Variants in MAD1L1 observed in about 807,000 individuals in gnomAD.
MAD1L1 encodes mitotic spindle assembly checkpoint protein MAD1.
MAD1L1 carries 95 observed loss-of-function variants against 96.9 expected under a neutral mutation model. The ratio of observed to expected loss-of-function variants is 0.98; its 90% CI spans 0.83 to 1.16. The LOEUF (loss-of-function observed/expected upper bound fraction) is 1.16. Ranked by LOEUF, MAD1L1 falls within the 50% of genes most tolerant of loss-of-function variation. The pLI is 0.00. For missense variants in MAD1L1, 1,007 were observed against 954.4 expected, an observed-to-expected ratio of 1.06 and a Z score of -0.73; for synonymous variants, 473 against 396.6, an observed-to-expected ratio of 1.19 and a Z score of -2.29.
At chr7:2,225,652 G>A (rs555446758) in intron 3 of MAD1L1, 102 bp from the exon 4 acceptor site, 21 of 1,290,824 alleles carry the variant, frequency 1.6e-5, no homozygotes, top group South Asian at 8.2e-5. Flanking sequence ...ACCCATTCCC[G>A]CAGGTCCCGT....
chr7:2,178,328 G>A (rs1424279214), intron 10 of MAD1L1, among the ~76,000 whole-genome samples: 1 of 152,140 alleles, frequency 6.6e-6, no homozygotes, highest in Non-Finnish European at 1.5e-5. Flanking sequence ...GATAGAATTG[G>A]ACAAACCGTA....
At chr7:2,231,457 T>A (rs1342994174) in intron 1 of MAD1L1, among the ~76,000 whole-genome samples, 1 of 151,126 alleles carries the variant, frequency 6.6e-6, no homozygotes, top group Admixed American at 6.6e-5. Flanking sequence ...CCATCTCTAC[T>A]AAAGCCAGAT....
At chr7:1,950,232 C>T (rs1269085390) in intron 16 of MAD1L1, among the ~76,000 whole-genome samples, 1 of 152,228 alleles carries the variant, frequency 6.6e-6, no homozygotes, top group Non-Finnish European at 1.5e-5. Context: ...AGCACCCTGA[C>T]CTCAGTCTCA....
intron 12 of MAD1L1, among the ~76,000 whole-genome samples, chr7:2,053,287 C>A (rs1784261991): frequency 6.6e-6 from 1 of 152,152 alleles, no homozygotes; most frequent in South Asian, 2.1e-4. Flanking sequence ...AGGCTGGGAC[C>A]AAGAGTCCTC....
rs764641431 is a variant in MAD1L1 at position 1,980,470 on chromosome 7, C to A, written c.1488G>T (p.Glu496Asp). The A allele has an allele frequency of 3.7e-6, 6 of 1,612,772 alleles. No individual in the cohort carries two copies. In the South Asian group the frequency reaches 6.6e-5, roughly 18 times the overall value. ...GGACGTACCTGAGCGTGTCCGCCTC[C>A]TCCCTGGAGAACAGGAAGCTCTGTT... is the stretch of plus-strand genomic sequence containing the variant. ...SAEQSFLFSR[E>D]EADTLRLKVE... The change falls in exon 15 of 19, where the codon GAG (glutamate) becomes GAT (aspartate). Residue 496 changes from glutamate to aspartate, a missense_variant. Physicochemically the swap from Glu to Asp is conservative, Grantham distance 45 (BLOSUM62 2). Transcript: ENST00000265854.
intron 16 of MAD1L1, among the ~76,000 whole-genome samples, chr7:1,951,061 G>T (rs142134735): frequency 1.3e-5 from 2 of 152,256 alleles, no homozygotes; most frequent in Non-Finnish European, 2.9e-5. Flanking sequence ...TCCCAGACAC[G>T]TGGGCTTCAC....
intron 12 of MAD1L1, among the ~76,000 whole-genome samples, chr7:2,040,259 T>C (rs1369016697): frequency 6.6e-6 from 1 of 152,080 alleles, no homozygotes; most frequent in South Asian, 2.1e-4. Context: ...AGACACTGGA[T>C]TAGTTTTGAA....
chr7:1,816,379 C>T lies in MAD1L1; in HGVS notation c.1999-151G>A, dbSNP rs2128617553. ...TAGATGCGTCCTCAACCCTGCCAGG[C>T]CTTATTCCAGGTCACCTAAAGGGAC... On this transcript the variant is annotated intron_variant, in intron 18 of 18. Coordinates refer to ENST00000265854, the MANE Select transcript of MAD1L1 (RefSeq NM_001013836.2). 7.2e-6 allele frequency: 5 copies of T among 695,416 alleles called. No homozygotes were observed. The South Asian group carries it at 9.3e-5, about 13-fold the overall frequency. The allele number at this position is 695,416 out of a possible 1,614,324, so 43.1% of individuals were successfully genotyped here.
chr7:1,839,172 A>G (rs1185989647), intron 18 of MAD1L1, among the ~76,000 whole-genome samples: 1 of 152,152 alleles, frequency 6.6e-6, no homozygotes, highest in Non-Finnish European at 1.5e-5. Context: ...GGTTGGGGGC[A>G]AAAGGGGCTG....
intron 10 of MAD1L1, among the ~76,000 whole-genome samples, chr7:2,179,521 T>G (rs1460608248): frequency 6.9e-6 from 1 of 145,634 alleles, no homozygotes; most frequent in Admixed American, 6.9e-5. Context: ...ACAGCGAGAC[T>G]CTGTCTCAAA....
intron 18 of MAD1L1, among the ~76,000 whole-genome samples, chr7:1,819,131 C>G (rs545318539): frequency 2.2e-4 from 33 of 152,292 alleles, no homozygotes; most frequent in South Asian, 4.1e-4. Flanking sequence ...AGCCCTCTGC[C>G]ATGTTCAAAT....
chr7:2,050,918 A>G lies in MAD1L1; in HGVS notation c.1218+18276T>C, dbSNP rs562860578. 2.6e-5 allele frequency among the ~76,000 whole-genome samples: 4 copies of G among 152,308 alleles called. No homozygotes were observed. In the South Asian group the frequency reaches 8.3e-4, roughly 32 times the overall value. ...GGATGCTGCAGCTATTTTTAGTAGA[A>G]AGACTCAAGAGGCTTCCTTGGCAGG... On this transcript the variant is annotated intron_variant, in intron 12 of 18. Transcript: ENST00000265854.
intron 11 of MAD1L1, among the ~76,000 whole-genome samples, chr7:2,140,753 C>A (rs1326272590): frequency 6.6e-6 from 1 of 152,250 alleles, no homozygotes; most frequent in African/African-American, 2.4e-5. Flanking sequence ...GAAAGGGCGG[C>A]TCCATGGCCC....
chr7:1,822,683 C>A lies in MAD1L1; in HGVS notation c.1999-6455G>T, dbSNP rs138700373. Among the ~76,000 whole-genome samples the A allele has an allele frequency of 8.6e-3, 1,299 of 151,784 alleles. 20 individuals carry two copies. Among genetic ancestry groups the A allele is most frequent in the African/African-American group, 0.028 (1,167 of 41,392 alleles). ...AAGCGATCCTTTTGCCTTGGCTTCC[C>A]CAAGTGTTGGGATTACAGGCGTGAG... is the stretch of plus-strand genomic sequence containing the variant. On this transcript the variant is annotated intron_variant, in intron 18 of 18. Coordinates refer to ENST00000265854, the MANE Select transcript of MAD1L1 (RefSeq NM_001013836.2).
chr7:2,016,907 C>G (rs1256381307), intron 12 of MAD1L1, among the ~76,000 whole-genome samples: 1 of 152,262 alleles, frequency 6.6e-6, no homozygotes, highest in Non-Finnish European at 1.5e-5. Flanking sequence ...TCGTTTCAAG[C>G]CAGTTACCGG....
At chr7:1,990,597 A>G (rs1438884798) in intron 14 of MAD1L1, among the ~76,000 whole-genome samples, 1 of 152,256 alleles carries the variant, frequency 6.6e-6, no homozygotes, top group African/African-American at 2.4e-5. Flanking sequence ...TCCCGGCCGA[A>G]TGTTCGCCTG....
intron 10 of MAD1L1, among the ~76,000 whole-genome samples, chr7:2,206,321 G>T (rs929184688): frequency 2.6e-5 from 4 of 152,148 alleles, no homozygotes; most frequent in African/African-American, 9.7e-5. Context: ...TTTGAGAGCA[G>T]AAGTTTTCAA....
intron 10 of MAD1L1, among the ~76,000 whole-genome samples, chr7:2,180,893 C>T (rs567894714): frequency 2.6e-5 from 4 of 152,240 alleles, no homozygotes; most frequent in African/African-American, 9.6e-5. Flanking sequence ...TATTTCCTCT[C>T]CTTGCATAAA....
chr7:1,857,820 C>T (rs1344618556), intron 18 of MAD1L1, among the ~76,000 whole-genome samples: 2 of 152,220 alleles, frequency 1.3e-5, no homozygotes, highest in African/African-American at 4.8e-5. Flanking sequence ...CCAGCCAGTC[C>T]TTGTCTTTCT....
Sources: allele counts gnomAD v4.1 joint callset (sites outside exome capture counted in the v4.1 genomes callset), GRCh38; gene constraint gnomAD v4.1.1; transcripts MANE v1.5; gene names NCBI Gene and HGNC (gene_info 2026-07-23, HGNC 2026-07-21).